C3: variants seen among roughly 807,000 people sequenced by gnomAD.
The protein encoded by C3 is C3 and PZP-like alpha-2-macroglobulin domain-containing protein 1.
In C3, 97 loss-of-function variants were observed where a neutral mutation model predicts 207.9. The ratio of observed to expected loss-of-function variants is 0.47; its 90% confidence interval spans 0.40 to 0.55. The LOEUF (loss-of-function observed/expected upper bound fraction) is 0.55. Among genes scored for constraint, C3 ranks in the 20% least tolerant of loss-of-function variants. The pLI is 0.00. For synonymous variants in C3, 848 were observed against 857.6 expected (o/e 0.99, Z 0.20); for missense variants, 1,684 against 2,171.7 (o/e 0.78, Z 4.46).
Position 6,690,687 on chromosome 19 carries a change from G to GTGAGGGCCATGTCTTTCTCGT in C3, c.3410_3430dup (p.Asn1137_Leu1143dup). ...CTGCAGCGAGATGAGAACAAAGGCC[G>GTGAGGGCCATGTCTTTCTCGT]TGAGGGCCATGTCTTTCTCGTTGTT... On this transcript the variant is annotated inframe_insertion, in exon 27 of 41. Coordinates refer to ENST00000245907, the MANE Select transcript of C3 (RefSeq NM_000064.4). 1 of 1,614,194 alleles carries GTGAGGGCCATGTCTTTCTCGT rather than the reference G, an allele frequency of 6.2e-7. No homozygotes were observed. The highest frequency in any genetic ancestry group is 8.5e-7 in the Non-Finnish European group (1 of 1,180,012).
At chr19:6,717,565 TTG>T (rs1204581261) in intron 4 of C3, 11 of 245,016 alleles carry the variant, frequency 4.5e-5, no homozygotes, top group Admixed American at 1.6e-4. Context: ...TGTGTGTGTG[TTG>T]TGTTTTGTGT....
intron 27 of C3, 27 bp from the exon 28 acceptor site, chr19:6,686,929 G>A (rs376103068): frequency 1.1e-5 from 17 of 1,612,794 alleles, no homozygotes; most frequent in African/African-American, 2.7e-5. Flanking sequence ...CAGATTCTCC[G>A]GTCATGTGGG....
intron 33 of C3, chr19:6,684,083 A>G: frequency 2.5e-6 from 1 of 398,038 alleles, no homozygotes; most frequent in Non-Finnish European, 4.8e-6. Flanking sequence ...TGGCTGACAG[A>G]GCAAGACCCT....
At chr19:6,705,145 C>T (rs1340234571) in intron 17 of C3, among the ~76,000 whole-genome samples, 1 of 152,086 alleles carries the variant, frequency 6.6e-6, no homozygotes, top group African/African-American at 2.4e-5. Flanking sequence ...TTTTCTGACC[C>T]CCAATGGGCC....
At chr19:6,716,656 A>G (rs996990999) in intron 4 of C3, 1 of 152,216 alleles carries the variant, frequency 6.6e-6, no homozygotes, top group Non-Finnish European at 1.5e-5. Flanking sequence ...ATATACCAGC[A>G]TTGTGCTGAG....
intron 11 of C3, among the ~76,000 whole-genome samples, chr19:6,711,497 T>A (rs566399866): frequency 7.1e-4 from 108 of 152,238 alleles, no homozygotes; most frequent in Non-Finnish European, 9.7e-4. Flanking sequence ...GAGCCAGGCC[T>A]TTAGGGTGCC....
intron 26 of C3, among the ~76,000 whole-genome samples, chr19:6,691,114 C>T (rs11569505): frequency 0.11 from 15,482 of 147,008 alleles, 968 homozygotes; most frequent in Non-Finnish European, 0.12. Context: ...AGTGCAATGG[C>T]GCAATCTCGA....
intron 30 of C3, 38 bp from the exon 31 acceptor site, chr19:6,684,872 T>G: frequency 6.2e-7 from 1 of 1,612,324 alleles, no homozygotes. Context: ...ATGTTGGGAA[T>G]TAAGCCTTCT....
intron 23 of C3, among the ~76,000 whole-genome samples, chr19:6,696,008 G>C (rs941150463): frequency 6.6e-6 from 1 of 151,612 alleles, no homozygotes; most frequent in Middle Eastern, 3.2e-3. Context: ...AGGAGATCGA[G>C]ACCATCCTGG....
intron 14 of C3, 62 bp downstream of exon 14, chr19:6,709,616 CCCACCT>C: frequency 1.2e-4 from 115 of 999,434 alleles, no homozygotes; most frequent in Non-Finnish European, 1.4e-4. Context: ...TCCAGTCCCA[CCCACCT>C]CCCCCAGCCC....
rs1917794259 is a variant in C3 at position 6,679,205 on chromosome 19, T to C, written c.4550A>G (p.Asn1517Ser). 1 of 1,614,032 alleles carries C rather than the reference T, an allele frequency of 6.2e-7. No individual in the cohort carries two copies. Among genetic ancestry groups the C allele is most frequent in the Non-Finnish European group, 8.5e-7 (1 of 1,179,838 alleles). Residue 1517 changes from asparagine to serine, a missense_variant, in exon 38 of 41, where the codon AAT becomes AGT. By Grantham distance (46) the Asn-to-Ser change is conservative. Transcript: ENST00000245907. ...RDELCRCAEENCFIQKSDDKV... is the reference protein window; with the variant it reads ...RDELCRCAEESCFIQKSDDKV... ...GTCATCCGACTTTTGTATGAAGCAA[T>C]TCTCTGCAGGGTGGGGTGGAGACAG...
chr19:6,718,987 G>GT (rs1162483702), intron 2 of C3, among the ~76,000 whole-genome samples: 16 of 132,278 alleles, frequency 1.2e-4, no homozygotes. Context: ...AGGGGTGGGG[G>GT]GGGGTCTCAG....
At position 6,686,888 on chromosome 19, in the gene C3, G is replaced by T. The variant is rs1174429166; in HGVS notation, c.3504C>A (p.Ser1168Arg). 6.2e-7 allele frequency: 1 copy of T among 1,614,046 alleles called. No individual in the cohort carries two copies. Among genetic ancestry groups the T allele is most frequent in the Non-Finnish European group, 8.5e-7 (1 of 1,180,014 alleles). Residue 1168 changes from serine to arginine, a missense_variant, in exon 28 of 41, where the codon AGC becomes AGA. Ser to Arg is a moderately radical substitution (Grantham distance 110). This residue lies in a region of C3 where 1,280 missense variants were observed against 1,739.1 expected (regional missense o/e 0.74). Transcript: ENST00000245907. Reference protein sequence around the residue: ...CEEQVNSLPGSITKAGDFLEA... With the variant: ...CEEQVNSLPGRITKAGDFLEA... Reference sequence around the variant, plus strand: ...CAAGGAAGTCTCCTGCTTTAGTGATGCTGCCTGGCAGGCTCTATGAGAAAG... The same window carrying T: ...CAAGGAAGTCTCCTGCTTTAGTGATTCTGCCTGGCAGGCTCTATGAGAAAG...
chr19:6,702,452 G>A lies in C3; in HGVS notation c.2354+19C>T, dbSNP rs192942944. ...GTCTGACTCTGGGGTGGGTTGTACC[G>A]GGGGTACCCCGGCCTTACCCATTTT... On this transcript the variant is annotated intron_variant, in intron 18 of 40. Coordinates refer to ENST00000245907, the MANE Select transcript of C3 (RefSeq NM_000064.4). 238 of 1,534,912 alleles carry A rather than the reference G, an allele frequency of 1.6e-4. 2 individuals are homozygous for A. In the Middle Eastern group the frequency reaches 2.2e-3, roughly 14 times the overall value.
rs201714568 is a variant in C3, at chr19:6,711,192, C to T, written c.1274G>A (p.Arg425His). 15 of 1,611,994 alleles carry T rather than the reference C, an allele frequency of 9.3e-6. No individual in the cohort carries two copies. Among genetic ancestry groups the T allele is most frequent in the East Asian group, 4.5e-5 (2 of 44,868 alleles). ...PSQKPLSITV[R>H]TKKQELSEAE... ...CTCCGAGAGCTCCTGCTTCTTCGTG[C>T]GCACCTGGGTGGGGAAAGAGGGATG... The change falls in exon 12 of 41, where the codon CGC (arginine) becomes CAC (histidine). Residue 425 changes from arginine to histidine, a missense_variant. By Grantham distance (29) the Arg-to-His change is conservative (BLOSUM62 0). Coordinates refer to ENST00000245907, the MANE Select transcript of C3 (RefSeq NM_000064.4).
At chr19:6,685,243 T>C (rs1917973650) in intron 29 of C3, 97 bp from the exon 30 acceptor site, 4 of 1,158,536 alleles carry the variant, frequency 3.5e-6, no homozygotes, top group Non-Finnish European at 1.3e-6. Flanking sequence ...AGCTGGGACA[T>C]CAAAATGTGG....
rs147859257 is a variant in C3, at chr19:6,718,135, T to G, written c.463A>C (p.Lys155Gln). The G allele has an allele frequency of 3.8e-3, 6,125 of 1,614,084 alleles. 18 individuals carry two copies. The highest frequency in any genetic ancestry group is 4.9e-3 in the Non-Finnish European group (5,776 of 1,179,994). The change falls in exon 4 of 41, where the codon AAG becomes CAG. Residue 155 changes from lysine to glutamine, a missense_variant. By Grantham distance (53) the Lys-to-Gln change is moderately conservative (BLOSUM62 1). Coordinates refer to ENST00000245907, the MANE Select transcript of C3 (RefSeq NM_000064.4). ...ACCGTCCGGCCCACGGGTAGCAGCTTGTGGTTGACGGTGAAGATCCGATAG... is the reference window on the plus strand; with the variant it reads ...ACCGTCCGGCCCACGGGTAGCAGCTGGTGGTTGACGGTGAAGATCCGATAG... Reference protein sequence around the residue: ...VLYRIFTVNHKLLPVGRTVMV... With the variant: ...VLYRIFTVNHQLLPVGRTVMV...
intron 27 of C3, among the ~76,000 whole-genome samples, chr19:6,687,263 A>G (rs947054043): frequency 2.6e-5 from 4 of 152,216 alleles, no homozygotes; most frequent in Non-Finnish European, 5.9e-5. Flanking sequence ...ATCACTGAAC[A>G]AAGTCCTGGG....
chr19:6,700,546 A>AT (rs1967639635), intron 19 of C3, among the ~76,000 whole-genome samples: 1 of 33,184 alleles, frequency 3.0e-5, no homozygotes, highest in Non-Finnish European at 4.7e-5. Context: ...TTATATATGT[A>AT]ATATATAATA....
Sources: gnomAD v4.1 joint callset for allele counts (sites outside exome capture counted in the v4.1 genomes callset) on GRCh38, gnomAD v4.1.1 for gene constraint, gnomAD v4.1.1 regional missense constraint, MANE v1.5 for transcripts, NCBI Gene and HGNC (gene_info 2026-07-23, HGNC 2026-07-21) for gene names.